Variants in PCDHGB6 observed in about 807,000 individuals in gnomAD.
PCDHGB6 encodes the protein protocadherin gamma-B6.
Under a neutral mutation model 59.1 loss-of-function variants are expected in PCDHGB6, and 51 were observed. That is an observed-to-expected ratio of 0.86 (90% CI 0.69 to 1.09). PCDHGB6 has a LOEUF of 1.09. PCDHGB6 is among the 50% of genes least tolerant of loss of function. The pLI is 0.00. For missense variants in PCDHGB6, 1,148 were observed against 1,205.1 expected (o/e 0.95, Z 0.70); for synonymous variants, 466 against 495.1 (o/e 0.94, Z 0.78).
rs1218585930 is a variant in PCDHGB6 at position 141,408,353 on chromosome 5, G to A, written c.151G>A (p.Ala51Thr). The A allele has an allele frequency of 6.2e-7, 1 of 1,613,816 alleles. No homozygotes were observed. The highest frequency in any genetic ancestry group is 8.5e-7 in the Non-Finnish European group (1 of 1,179,808). ...CAAGGGCTCGGTGGTGGGGAACCTC[G>A]CTAAGGATCTAGGGCTCAGTGTCCT... Reference protein sequence around the residue: ...LAKGSVVGNLAKDLGLSVLDV... With the variant: ...LAKGSVVGNLTKDLGLSVLDV... The change falls in exon 1 of 4, where the codon GCT (alanine) becomes ACT (threonine). Residue 51 changes from alanine (A) to threonine (T), a missense_variant. Physicochemically the swap from Ala to Thr is moderately conservative, Grantham distance 58. This residue lies in a region of PCDHGB6 where 307 missense variants were observed against 323.8 expected (regional missense o/e 0.95). Coordinates refer to ENST00000520790, the MANE Select transcript of PCDHGB6 (RefSeq NM_018926.3).
Position 141,432,099 on chromosome 5 carries a change from A to G in PCDHGB6, c.2418+21479A>G. On this transcript the variant is annotated intron_variant, in intron 1 of 3. Transcript: ENST00000520790. This position sits in a 1 kb window ranked among gnomAD's most constrained non-coding sequence, Gnocchi z 6.0. ...TCGCTGAACGTGGCAGACACCAACG[A>G]CAACCCGCCGGTCTTCCCTCAGGCC... 6.2e-7 allele frequency: 1 copy of G among 1,614,102 alleles called. No homozygotes were observed. The highest frequency in any genetic ancestry group is 1.1e-5 in the South Asian group (1 of 91,070).
At chr5:141,467,901 C>T (rs1484485803) in intron 1 of PCDHGB6, among the ~76,000 whole-genome samples, 7 of 152,034 alleles carry the variant, frequency 4.6e-5, no homozygotes, top group Admixed American at 1.3e-4. Flanking sequence ...TCAAGAAATC[C>T]GCCCACCTCA....
At chr5:141,496,479 CAACCAACCA>C (rs1199646129) in intron 2 of PCDHGB6, among the ~76,000 whole-genome samples, 1 of 152,180 alleles carries the variant, frequency 6.6e-6, no homozygotes, top group Non-Finnish European at 1.5e-5. Context: ...CCCCATCCTG[CAACCAACCA>C]AACCCTTGTT....
chr5:141,408,883 C>A lies in PCDHGB6; in HGVS notation c.681C>A (p.His227Gln). 6.2e-7 allele frequency: 1 copy of A among 1,613,462 alleles called. No individual in the cohort carries two copies. The highest frequency in any genetic ancestry group is 8.5e-7 in the Non-Finnish European group (1 of 1,179,686). Residue 227 changes from histidine to glutamine, a missense_variant, in exon 1 of 4, where the codon CAC becomes CAA. Transcript: ENST00000520790. Reference protein sequence around the residue: ...GGDPPRSATAHIEISVKDTND... With the variant: ...GGDPPRSATAQIEISVKDTND... ...ACCCACCAAGAAGTGCCACCGCTCA[C>A]ATAGAAATTTCTGTCAAGGATACCA... is the stretch of plus-strand genomic sequence containing the variant.
At chr5:141,438,739 G>A (rs1264194876) in intron 1 of PCDHGB6, among the ~76,000 whole-genome samples, 1 of 149,040 alleles carries the variant, frequency 6.7e-6, no homozygotes, top group African/African-American at 2.5e-5. Context: ...TCAGCTCACT[G>A]CAACCTCTGC....
intron 1 of PCDHGB6, chr5:141,412,395 T>G (rs941350125): frequency 1.3e-5 from 2 of 152,246 alleles, no homozygotes; most frequent in African/African-American, 4.8e-5. Flanking sequence ...ATTTAACTTG[T>G]ATCCCTGTAA....
chr5:141,489,794 T>TA lies in PCDHGB6; in HGVS notation c.2419-5009dup. The TA allele has an allele frequency of 1.2e-6, 2 of 1,614,120 alleles. No homozygotes were observed. The highest frequency in any genetic ancestry group is 2.2e-5 in the South Asian group (2 of 91,076). The stretch of plus-strand genomic sequence containing the variant: ...CACTTCTCTCTGAATGTGAAGACCC[T>TA]AAAAGATGGGAAGCCATTCCCAGAG... On this transcript the variant is annotated intron_variant, in intron 1 of 3. Transcript: ENST00000520790. This position sits in a 1 kb window ranked among gnomAD's most constrained non-coding sequence, Gnocchi z 4.5.
intron 1 of PCDHGB6, among the ~76,000 whole-genome samples, chr5:141,473,611 G>C (rs2099325261): frequency 6.6e-6 from 1 of 152,140 alleles, no homozygotes; most frequent in Non-Finnish European, 1.5e-5. Context: ...GCAAAGCAAA[G>C]GGAGGGAGGA....
chr5:141,463,480 G>A (rs964539275), intron 1 of PCDHGB6, among the ~76,000 whole-genome samples: 3 of 114,320 alleles, frequency 2.6e-5, no homozygotes, highest in African/African-American at 1.1e-4. Context: ...ATGGAGTCTC[G>A]CTCTGTCACC....
chr5:141,497,187 G>T (rs1475463841), intron 2 of PCDHGB6, among the ~76,000 whole-genome samples: 2 of 139,586 alleles, frequency 1.4e-5, no homozygotes, highest in Non-Finnish European at 3.0e-5. Flanking sequence ...GTTCTGAGAG[G>T]CAGAGAACAA....
intron 1 of PCDHGB6, chr5:141,478,633 T>C: frequency 6.4e-7 from 1 of 1,553,032 alleles, no homozygotes; most frequent in Non-Finnish European, 8.7e-7. Context: ...GTTTTTTTAG[T>C]GATGAAGATG....
In PCDHGB6 at chr5:141,408,277, C is replaced by T. The variant is rs367948897; in HGVS notation, c.75C>T (p.Phe25=). The T allele has an allele frequency of 1.2e-6, 2 of 1,611,980 alleles. No individual in the cohort carries two copies. The highest frequency in any genetic ancestry group is 1.3e-5 in the African/African-American group (1 of 74,898). The change falls in exon 1 of 4, where the codon TTC becomes TTT. Residue 25 remains phenylalanine, a synonymous_variant. Coordinates refer to ENST00000520790, the MANE Select transcript of PCDHGB6 (RefSeq NM_018926.3). ...TATTTCCTTTGCTGCTGCCTTTGTT[C>T]TACCCCACCCTGAGTGAGCCGATCC... ...QVLFPLLLPL[F]YPTLSEPIRY... is the part of the protein sequence containing the mutation.
At position 141,510,965 on chromosome 5, in the gene PCDHGB6, C is replaced by T. The variant is rs1473736492; in HGVS notation, c.2585C>T (p.Ser862Phe). The T allele has an allele frequency of 3.1e-6, 5 of 1,614,026 alleles. No homozygotes were observed. The highest frequency in any genetic ancestry group is 4.2e-6 in the Non-Finnish European group (5 of 1,180,020). The change falls in exon 4 of 4, where the codon TCC becomes TTC. Residue 862 changes from serine (S) to phenylalanine (F), a missense_variant. Around this residue, in one of 5 missense-constraint regions of PCDHGB6, gnomAD observed 283 missense variants for 318.6 expected, o/e 0.89. Transcript: ENST00000520790. ...TCTGCAGAAGCTGCTGATGGGAGCT[C>T]CACCCTGGGAGGGGGTGCCGGCACC... ...ASASEAADGS[S>F]TLGGGAGTMG...
chr5:141,422,723 G>A lies in PCDHGB6; in HGVS notation c.2418+12103G>A. The stretch of plus-strand genomic sequence containing the variant: ...TCTCTGACGGATGACACTGTCCAGG[G>A]GGTGCCTCTGTCCTCCTATGTCTCT... On this transcript the variant is annotated intron_variant, in intron 1 of 3. Coordinates refer to ENST00000520790, the MANE Select transcript of PCDHGB6 (RefSeq NM_018926.3). The A allele has an allele frequency of 1.2e-6, 2 of 1,605,958 alleles. No homozygotes were observed. The highest frequency in any genetic ancestry group is 1.7e-6 in the Non-Finnish European group (2 of 1,175,478).
intron 1 of PCDHGB6, among the ~76,000 whole-genome samples, chr5:141,460,703 G>A (rs1009662968): frequency 6.6e-6 from 1 of 151,534 alleles, no homozygotes; most frequent in Non-Finnish European, 1.5e-5. Flanking sequence ...AGTTGAATGA[G>A]AATAAACTAT....
In PCDHGB6 at chr5:141,493,103, A is replaced by G. The variant is rs1396614836; in HGVS notation, c.2419-1704A>G. Among the ~76,000 whole-genome samples the G allele has an allele frequency of 6.6e-6, 1 of 152,086 alleles. No homozygotes were observed. The highest frequency in any genetic ancestry group is 1.5e-5 in the Non-Finnish European group (1 of 68,022). On this transcript the variant is annotated intron_variant, in intron 1 of 3. Transcript: ENST00000520790. The surrounding 1 kb of genome is among the most constrained non-coding windows in gnomAD (Gnocchi z 4.3). ...AGGAGCTTTTATTCAAAATATATCA[A>G]TGCCTAACTCTGCTCCTAGGACTGT...
At chr5:141,441,932 C>A in intron 1 of PCDHGB6, 1 of 347,904 alleles carries the variant, frequency 2.9e-6, no homozygotes. Flanking sequence ...GCGTGGCTGT[C>A]CTACCACGTG....
At chr5:141,457,230 A>G (rs1248092452) in intron 1 of PCDHGB6, among the ~76,000 whole-genome samples, 2 of 152,174 alleles carry the variant, frequency 1.3e-5, no homozygotes, top group African/African-American at 4.8e-5. Flanking sequence ...GGTAATTTCC[A>G]TCTAAAATTT....
Position 141,410,050 on chromosome 5 carries a change from C to T in PCDHGB6, c.1848C>T (p.Leu616=), listed in dbSNP as rs762077790. ...YHVLQASEPG[L]FSLGLRTGEV... is the part of the protein sequence containing the mutation. ...TGCTGCAGGCCAGTGAGCCCGGACT[C>T]TTCAGCCTGGGGCTGCGCACTGGGG... Residue 616 remains leucine, a synonymous_variant, in exon 1 of 4, where the codon CTC becomes CTT. Coordinates refer to ENST00000520790, the MANE Select transcript of PCDHGB6 (RefSeq NM_018926.3). The T allele has an allele frequency of 6.2e-6, 10 of 1,613,180 alleles. No homozygotes were observed. In the East Asian group the frequency reaches 1.6e-4, roughly 25 times the overall value.
Sources: gnomAD v4.1 joint callset for allele counts (sites outside exome capture counted in the v4.1 genomes callset) on GRCh38, gnomAD v4.1.1 for gene constraint, gnomAD v4.1.1 regional missense constraint, Gnocchi (gnomAD v3.1) non-coding constraint, MANE v1.5 for transcripts, NCBI Gene and HGNC (gene_info 2026-07-23, HGNC 2026-07-21) for gene names.